KCNQ3: variants seen among roughly 807,000 people sequenced by gnomAD.
The protein encoded by KCNQ3 is potassium voltage-gated channel subfamily KQT member 3.
KCNQ3 carries 30 observed loss-of-function variants against 92.5 expected under a neutral mutation model. The ratio of observed to expected loss-of-function variants is 0.32; its 90% CI spans 0.24 to 0.44. The LOEUF is 0.44. Ranked by LOEUF, KCNQ3 falls within the 20% of genes least tolerant of loss-of-function variation. The probability of loss-of-function intolerance (pLI) is 1.00; values close to 1 mark genes in which losing one functional copy is unlikely to be tolerated. For missense variants in KCNQ3, 913 were observed against 1,140.3 expected, an observed-to-expected ratio of 0.80 and a Z score of 2.87; for synonymous variants, 450 against 468.8, an observed-to-expected ratio of 0.96 and a Z score of 0.52.
chr8:132,391,232 A>C (rs998216099), intron 1 of KCNQ3, among the ~76,000 whole-genome samples: 1 of 152,216 alleles, frequency 6.6e-6, no homozygotes, highest in Non-Finnish European at 1.5e-5. Context: ...GGTAGGTCAG[A>C]AACTACCCAT....
chr8:132,169,548 A>G (rs1318729388), intron 8 of KCNQ3, among the ~76,000 whole-genome samples: 2 of 152,136 alleles, frequency 1.3e-5, no homozygotes, highest in Non-Finnish European at 1.5e-5. Flanking sequence ...CCTCTTCCGC[A>G]TTTCCTTTCC....
intron 1 of KCNQ3, among the ~76,000 whole-genome samples, chr8:132,465,620 T>C (rs1822154463): frequency 6.6e-6 from 1 of 152,154 alleles, no homozygotes; most frequent in Non-Finnish European, 1.5e-5. Context: ...GGCAGGCGCC[T>C]GTGGTCCCAG....
chr8:132,281,018 T>C (rs1314829421), intron 1 of KCNQ3, among the ~76,000 whole-genome samples: 2 of 152,114 alleles, frequency 1.3e-5, no homozygotes, highest in Non-Finnish European at 2.9e-5. Flanking sequence ...TCAGGGTTAT[T>C]GTTCAGCTTG....
chr8:132,372,073 T>C (rs1001297228), intron 1 of KCNQ3, among the ~76,000 whole-genome samples: 3 of 152,146 alleles, frequency 2.0e-5, no homozygotes, highest in African/African-American at 7.2e-5. Context: ...CCAGCTCCTG[T>C]CCCAGCCCTA....
At chr8:132,262,355 C>T (rs546169656) in intron 1 of KCNQ3, among the ~76,000 whole-genome samples, 13 of 152,182 alleles carry the variant, frequency 8.5e-5, no homozygotes, top group African/African-American at 2.9e-4. Flanking sequence ...GAATTGTACA[C>T]TTTAAATGGG....
At chr8:132,403,009 ACCATC>A (rs1820380210) in intron 1 of KCNQ3, among the ~76,000 whole-genome samples, 1 of 98,430 alleles carries the variant, frequency 1.0e-5, no homozygotes. Flanking sequence ...AGGGCGAGGC[ACCATC>A]ACAAAAAAAA....
At chr8:132,136,849 T>A (rs888785650) in intron 12 of KCNQ3, among the ~76,000 whole-genome samples, 1 of 151,090 alleles carries the variant, frequency 6.6e-6, no homozygotes, top group Non-Finnish European at 1.5e-5. Context: ...AATATTATTT[T>A]ACGGCTGCAT....
intron 1 of KCNQ3, among the ~76,000 whole-genome samples, chr8:132,313,342 T>G (rs1180485355): frequency 1.3e-5 from 2 of 152,166 alleles, no homozygotes; most frequent in Admixed American, 6.5e-5. Context: ...AAGAGTTACA[T>G]GAAGACAATT....
At chr8:132,337,049 GT>G (rs1232574913) in intron 1 of KCNQ3, among the ~76,000 whole-genome samples, 2 of 152,190 alleles carry the variant, frequency 1.3e-5, no homozygotes, top group African/African-American at 4.8e-5. Context: ...TTCTAAAAAT[GT>G]TGGGTGCCAC....
Position 132,242,798 on chromosome 8 carries a change from C to A in KCNQ3, c.387-56617G>T, listed in dbSNP as rs79480752. Among the ~76,000 whole-genome samples, 288 of 152,312 alleles carry A rather than the reference C, an allele frequency of 1.9e-3. 9 individuals carry two copies. In the East Asian group the frequency reaches 0.038, roughly 20 times the overall value. ...TATCATGATACCTGACATTACATTT[C>A]TGTGAAACAGAGCAATGTTTATGTT... On this transcript the variant is annotated intron_variant, in intron 1 of 14. Transcript: ENST00000388996.
At chr8:132,137,552 A>G (rs941162726) in intron 12 of KCNQ3, among the ~76,000 whole-genome samples, 3 of 152,230 alleles carry the variant, frequency 2.0e-5, no homozygotes, top group Non-Finnish European at 4.4e-5. Flanking sequence ...TTGAGAATTA[A>G]TTAGGCAGCT....
chr8:132,234,383 G>A (rs1453110328), intron 1 of KCNQ3, among the ~76,000 whole-genome samples: 1 of 113,024 alleles, frequency 8.8e-6, no homozygotes, highest in Non-Finnish European at 1.7e-5. Context: ...GAAAGGCCAA[G>A]CAGTTCTTCC....
At chr8:132,184,489 CA>C in intron 2 of KCNQ3, 122 bp from the exon 3 acceptor site, 1 of 1,105,874 alleles carries the variant, frequency 9.0e-7, no homozygotes, top group East Asian at 2.8e-5. Flanking sequence ...GTCTGGTTGG[CA>C]GGGATGGCTG....
intron 1 of KCNQ3, among the ~76,000 whole-genome samples, chr8:132,434,035 C>A (rs892161550): frequency 6.6e-6 from 1 of 151,858 alleles, no homozygotes; most frequent in East Asian, 1.9e-4. Context: ...GGTGAAACCC[C>A]GTCTCTACTA....
intron 1 of KCNQ3, among the ~76,000 whole-genome samples, chr8:132,221,707 C>T (rs921088256): frequency 1.3e-5 from 2 of 151,798 alleles, no homozygotes; most frequent in Non-Finnish European, 2.9e-5. Flanking sequence ...TGTACTGGTA[C>T]CAAAACAGAT....
chr8:132,308,394 C>T (rs1817494393), intron 1 of KCNQ3, among the ~76,000 whole-genome samples: 1 of 152,054 alleles, frequency 6.6e-6, no homozygotes. Flanking sequence ...GCAGGGGGAG[C>T]CCAGAGAAGA....
At chr8:132,434,921 A>G (rs144124826) in intron 1 of KCNQ3, among the ~76,000 whole-genome samples, 126 of 152,340 alleles carry the variant, frequency 8.3e-4, no homozygotes, top group African/African-American at 2.9e-3. Context: ...CTTGAAACCA[A>G]TTTGAACCTC....
intron 1 of KCNQ3, among the ~76,000 whole-genome samples, chr8:132,271,622 T>C (rs1816150612): frequency 6.6e-6 from 1 of 152,114 alleles, no homozygotes. Context: ...CCTTATCAAA[T>C]CTATTTGGGA....
intron 14 of KCNQ3, among the ~76,000 whole-genome samples, chr8:132,130,361 AC>A (rs1487951864): frequency 1.3e-5 from 2 of 152,038 alleles, no homozygotes; most frequent in Non-Finnish European, 2.9e-5. Flanking sequence ...ACAGGCATGA[AC>A]CACCGCGCCT....
Sources: allele counts gnomAD v4.1 joint callset (sites outside exome capture counted in the v4.1 genomes callset), GRCh38; gene constraint gnomAD v4.1.1; transcripts MANE v1.5; gene names NCBI Gene and HGNC (gene_info 2026-07-23, HGNC 2026-07-21).